Variants in MAPK10 observed in about 807,000 individuals in gnomAD.
MAPK10 encodes the protein JNK3 alpha protein kinase.
MAPK10 carries 25 observed loss-of-function variants against 59.3 expected under a neutral mutation model. That is an observed-to-expected ratio of 0.42 (90% CI 0.31 to 0.59). MAPK10 has a LOEUF of 0.59. MAPK10 is among the 20% of genes least tolerant of loss of function. The pLI is 0.15. For missense variants in MAPK10, 351 were observed against 568.9 expected (o/e 0.62, Z 3.90); for synonymous variants, 190 against 200.5 (o/e 0.95, Z 0.44).
chr4:86,071,076 T>C (rs566687067), intron 9 of MAPK10, among the ~76,000 whole-genome samples: 1 of 151,668 alleles, frequency 6.6e-6, no homozygotes, highest in African/African-American at 2.4e-5. Context: ...TTTTTAATGA[T>C]TGCCATTCTA....
intron 1 of MAPK10, among the ~76,000 whole-genome samples, chr4:86,569,576 T>TA (rs1395859362): frequency 2.6e-5 from 4 of 152,056 alleles, no homozygotes; most frequent in Admixed American, 6.6e-5. Context: ...CTGTGGGATT[T>TA]AAAAAAATGT....
At chr4:86,543,207 A>G (rs1463737181) in intron 1 of MAPK10, among the ~76,000 whole-genome samples, 2 of 152,202 alleles carry the variant, frequency 1.3e-5, no homozygotes, top group Non-Finnish European at 2.9e-5. Context: ...CATTGAGAAG[A>G]GTACACCAGG....
intron 1 of MAPK10, among the ~76,000 whole-genome samples, chr4:86,479,602 C>T (rs371690452): frequency 6.6e-5 from 10 of 152,138 alleles, no homozygotes; most frequent in Non-Finnish European, 8.8e-5. Flanking sequence ...CTCCAAGCCA[C>T]CACAGCTGAT....
At chr4:86,072,285 A>G (rs1251321565) in intron 9 of MAPK10, among the ~76,000 whole-genome samples, 1 of 152,052 alleles carries the variant, frequency 6.6e-6, no homozygotes, top group East Asian at 1.9e-4. Flanking sequence ...GCTTAAGGAT[A>G]TTTTGGGCTG....
At chr4:86,386,224 A>C (rs1741441935) in intron 1 of MAPK10, among the ~76,000 whole-genome samples, 1 of 152,198 alleles carries the variant, frequency 6.6e-6, no homozygotes, top group Non-Finnish European at 1.5e-5. Flanking sequence ...CCTGGTTGAC[A>C]TTGGAGATAC....
chr4:86,572,190 A>G (rs1761510287), intron 1 of MAPK10, among the ~76,000 whole-genome samples: 1 of 152,120 alleles, frequency 6.6e-6, no homozygotes, highest in Non-Finnish European at 1.5e-5. Context: ...CTACCAACAC[A>G]TTCTACCAAC....
chr4:86,144,279 T>C (rs1046119070), intron 4 of MAPK10, among the ~76,000 whole-genome samples: 1 of 152,134 alleles, frequency 6.6e-6, no homozygotes, highest in African/African-American at 2.4e-5. Context: ...AAATAGAAAT[T>C]TTACAAGATT....
At chr4:86,498,462 A>G (rs1316682647) in intron 1 of MAPK10, among the ~76,000 whole-genome samples, 1 of 152,346 alleles carries the variant, frequency 6.6e-6, no homozygotes, top group East Asian at 1.9e-4. Flanking sequence ...TTAAAACTTC[A>G]TCAAACTGAG....
At chr4:86,107,587 A>AG in intron 4 of MAPK10, 3 of 1,143,042 alleles carry the variant, frequency 2.6e-6, no homozygotes, top group Non-Finnish European at 1.1e-6. Flanking sequence ...AAACAGGAGA[A>AG]GGGGGGAAGG....
At chr4:86,263,853 A>G (rs2035058) in intron 2 of MAPK10, among the ~76,000 whole-genome samples, 15,984 of 152,238 alleles carry the variant, frequency 0.1, 881 homozygotes, top group Middle Eastern at 0.13. Flanking sequence ...AGACTATATT[A>G]TTATTGATAA....
At chr4:86,240,542 A>C (rs543446887) in intron 2 of MAPK10, among the ~76,000 whole-genome samples, 3 of 152,292 alleles carry the variant, frequency 2.0e-5, no homozygotes, top group African/African-American at 7.2e-5. Context: ...GGGTGCATAC[A>C]TATTTAGAAT....
intron 9 of MAPK10, 47 bp downstream of exon 9, chr4:86,098,477 G>C (rs1223220971): frequency 1.2e-6 from 2 of 1,610,142 alleles, no homozygotes; most frequent in Non-Finnish European, 1.7e-6. Context: ...GTTTAAAAGG[G>C]AGAGAGAACA....
rs572754597 is a variant in MAPK10 at position 86,251,363 on chromosome 4, C to T, written c.-6-56956G>A. Among the ~76,000 whole-genome samples the T allele has an allele frequency of 2.4e-4, 36 of 150,864 alleles. No homozygotes were observed. In the South Asian group the frequency reaches 7.0e-3, roughly 29 times the overall value. On this transcript the variant is annotated intron_variant, in intron 2 of 13. Coordinates refer to ENST00000641462, the MANE Select transcript of MAPK10 (RefSeq NM_138982.4). ...ACCACAGTCCCCAGAGTGTGATATT[C>T]CCCTTCCTGTGTCCATGTGATCTCA...
chr4:86,250,500 C>T (rs2093357406), intron 2 of MAPK10, among the ~76,000 whole-genome samples: 1 of 152,050 alleles, frequency 6.6e-6, no homozygotes, highest in African/African-American at 2.4e-5. Context: ...TTACTGAAAG[C>T]CTAGAGAATT....
intron 2 of MAPK10, among the ~76,000 whole-genome samples, chr4:86,206,185 T>A (rs2083868769): frequency 6.6e-6 from 1 of 151,670 alleles, no homozygotes; most frequent in Non-Finnish European, 1.5e-5. Flanking sequence ...CCTAATGCTA[T>A]CCCTCCCCCG....
chr4:86,219,720 T>G (rs868234980), intron 2 of MAPK10: 10 of 151,682 alleles, frequency 6.6e-5, no homozygotes, highest in Non-Finnish European at 1.3e-4. Context: ...TAGACAACTT[T>G]GAAGACTTTA....
chr4:86,064,498 A>C (rs1165047747), intron 10 of MAPK10, 108 bp from the exon 11 acceptor site: 9 of 1,029,274 alleles, frequency 8.7e-6, no homozygotes, highest in Non-Finnish European at 1.3e-5. Context: ...TCTTCCTTCC[A>C]AACATCAGGT....
intron 1 of MAPK10, among the ~76,000 whole-genome samples, chr4:86,535,111 T>C (rs1758131780): frequency 4.6e-5 from 7 of 152,264 alleles, no homozygotes; most frequent in Non-Finnish European, 2.9e-5. Flanking sequence ...CTTAATACTC[T>C]TTTCCTATCC....
intron 1 of MAPK10, among the ~76,000 whole-genome samples, chr4:86,446,101 G>A (rs1438862193): frequency 2.0e-5 from 3 of 152,134 alleles, no homozygotes; most frequent in Non-Finnish European, 2.9e-5. Context: ...GTAAGGCGCT[G>A]GAGGGCATAA....
Sources: gnomAD v4.1 joint callset for allele counts (sites outside exome capture counted in the v4.1 genomes callset) on GRCh38, gnomAD v4.1.1 for gene constraint, MANE v1.5 for transcripts, NCBI Gene and HGNC (gene_info 2026-07-23, HGNC 2026-07-21) for gene names.